The following ARID1B variants were observed in gnomAD, a reference collection of about 807,000 sequenced individuals.
ARID1B encodes AT-rich interactive domain-containing protein 1B.
ARID1B carries 30 observed loss-of-function variants against 212.3 expected under a neutral mutation model. That is an observed-to-expected ratio of 0.14 (90% CI 0.11 to 0.19). The LOEUF (loss-of-function observed/expected upper bound fraction) is 0.19, where lower values mean the gene tolerates loss of function less well. ARID1B is among the 10% of genes least tolerant of loss of function. ARID1B has a pLI of 1.00. For missense variants in ARID1B, 2,891 were observed against 3,204.0 expected, an observed-to-expected ratio of 0.90 and a Z score of 2.36; for synonymous variants, 1,402 against 1,301.7, an observed-to-expected ratio of 1.08 and a Z score of -1.66.
intron 6 of ARID1B, 31 bp downstream of exon 6, chr6:157,110,592 A>G (rs369175987): frequency 8.0e-5 from 129 of 1,603,118 alleles, no homozygotes; most frequent in Non-Finnish European, 1.0e-4. Context: ...TTACATGCCT[A>G]TAGTGCTTTC....
At chr6:156,780,097 TAAC>T (rs1419572058) in intron 1 of ARID1B, among the ~76,000 whole-genome samples, 8 of 152,104 alleles carry the variant, frequency 5.3e-5, no homozygotes, top group Admixed American at 5.2e-4. Flanking sequence ...GTAGGAATAA[TAAC>T]AAAATTTACA....
rs548658396 is a variant in ARID1B at position 157,015,250 on chromosome 6, G to A, written c.2248-69412G>A. On this transcript the variant is annotated intron_variant, in intron 4 of 19. Coordinates refer to ENST00000636930, the MANE Select transcript of ARID1B (RefSeq NM_001374828.1). Reference sequence around the variant, plus strand: ...ATACAAGGAGAAATGGATAAGTCCCGGAGTTTTGAGCTTGGGCAGATTGGG... The same window carrying A: ...ATACAAGGAGAAATGGATAAGTCCCAGAGTTTTGAGCTTGGGCAGATTGGG... Among the ~76,000 whole-genome samples the A allele has an allele frequency of 1.9e-4, 29 of 152,294 alleles. No homozygotes were observed. The East Asian group carries it at 1.9e-3, about 10-fold the overall frequency.
At chr6:156,925,809 ATAATGAACAGT>A (rs1791169644) in intron 3 of ARID1B, among the ~76,000 whole-genome samples, 1 of 152,176 alleles carries the variant, frequency 6.6e-6, no homozygotes, top group South Asian at 2.1e-4. Flanking sequence ...TTCTGAACAG[ATAATGAACAGT>A]ACTCATCATG....
chr6:156,939,476 G>A (rs2128282864), intron 4 of ARID1B: 1 of 152,150 alleles, frequency 6.6e-6, no homozygotes, highest in Non-Finnish European at 1.5e-5. Context: ...TTCACTAGAA[G>A]CTTTTCATGG....
At chr6:157,114,005 A>G (rs1399516740) in intron 6 of ARID1B, among the ~76,000 whole-genome samples, 3 of 152,230 alleles carry the variant, frequency 2.0e-5, no homozygotes, top group Non-Finnish European at 4.4e-5. Context: ...TAATAGAAAC[A>G]TCTGTTTGTT....
intron 7 of ARID1B, among the ~76,000 whole-genome samples, chr6:157,138,212 G>C (rs1789072301): frequency 6.6e-6 from 1 of 151,362 alleles, no homozygotes; most frequent in African/African-American, 2.4e-5. Flanking sequence ...TGGTTGGTTG[G>C]TTGGTTGGTT....
intron 4 of ARID1B, among the ~76,000 whole-genome samples, chr6:157,015,881 C>CA: frequency 6.6e-6 from 1 of 152,252 alleles, no homozygotes; most frequent in Non-Finnish European, 1.5e-5. Context: ...GAAAGAAACA[C>CA]AAAGCTGTGA....
At chr6:157,198,510 G>T in intron 16 of ARID1B, 1 of 342,824 alleles carries the variant, frequency 2.9e-6, no homozygotes, top group Non-Finnish European at 5.4e-6. Flanking sequence ...CCTCCAAGCA[G>T]AGGCCAGAGG....
chr6:157,144,024 A>G (rs1789551695), intron 7 of ARID1B, among the ~76,000 whole-genome samples: 1 of 152,248 alleles, frequency 6.6e-6, no homozygotes, highest in Admixed American at 6.5e-5. Flanking sequence ...CCCAGGTTGC[A>G]GATGCTTCCT....
intron 4 of ARID1B, chr6:156,976,738 C>T (rs1777274682): frequency 2.1e-6 from 1 of 480,374 alleles, no homozygotes; most frequent in African/African-American, 2.0e-5. Context: ...GTAACACTCA[C>T]CGTGAAGGTC....
chr6:157,146,935 G>T (rs1229001609), intron 7 of ARID1B, among the ~76,000 whole-genome samples: 1 of 152,138 alleles, frequency 6.6e-6, no homozygotes, highest in East Asian at 1.9e-4. Flanking sequence ...GAGCCAGTTT[G>T]CTTGAGCTTC....
intron 4 of ARID1B, among the ~76,000 whole-genome samples, chr6:156,986,905 G>A (rs1352739714): frequency 6.6e-6 from 1 of 152,186 alleles, no homozygotes; most frequent in Non-Finnish European, 1.5e-5. Flanking sequence ...TAGGCCGGGT[G>A]CGGTGGCTCA....
intron 6 of ARID1B, chr6:157,111,259 G>GC (rs2128520030): frequency 6.6e-6 from 1 of 152,462 alleles, no homozygotes; most frequent in Admixed American, 6.5e-5. Flanking sequence ...TAACTGCCTT[G>GC]CAGAGACCTT....
chr6:156,829,084 G>T, intron 1 of ARID1B, 143 bp from the exon 2 acceptor site: 1 of 648,686 alleles, frequency 1.5e-6, no homozygotes, highest in East Asian at 2.8e-5. Context: ...ATGTCTTGCT[G>T]GATGTTTTGT....
rs368322992 is a variant in ARID1B at position 157,181,189 on chromosome 6, G to A, written c.3714+11G>A. ...GGGGGTTTGGCCCAGGTAAGAATGA[G>A]TGAGGGAGGGGGTGAAAAAGGAAGC... On this transcript the variant is annotated intron_variant, in intron 12 of 19. Coordinates refer to ENST00000636930, the MANE Select transcript of ARID1B (RefSeq NM_001374828.1). 3,893 of 1,612,896 alleles carry A rather than the reference G, an allele frequency of 2.4e-3. 7 individuals carry two copies. Among genetic ancestry groups the A allele is most frequent in the Non-Finnish European group, 3.0e-3 (3,528 of 1,178,908 alleles).
intron 3 of ARID1B, among the ~76,000 whole-genome samples, chr6:156,922,416 GC>G (rs1790886179): frequency 6.6e-6 from 1 of 151,962 alleles, no homozygotes; most frequent in Non-Finnish European, 1.5e-5. Flanking sequence ...TAAGTGATCC[GC>G]CCGCCTCGGC....
At chr6:157,063,739 T>C (rs1385656398) in intron 4 of ARID1B, among the ~76,000 whole-genome samples, 2 of 152,250 alleles carry the variant, frequency 1.3e-5, no homozygotes, top group Non-Finnish European at 2.9e-5. Context: ...CTAGTCCTTG[T>C]ACAATATGCA....
chr6:157,120,331 G>C (rs1787622519), intron 6 of ARID1B, among the ~76,000 whole-genome samples: 1 of 152,176 alleles, frequency 6.6e-6, no homozygotes, highest in African/African-American at 2.4e-5. Context: ...GGAGTTTGTG[G>C]GGTGGATGGG....
chr6:157,148,648 A>G lies in ARID1B; in HGVS notation c.2786A>G (p.Tyr929Cys). 1.3e-6 allele frequency: 2 copies of G among 1,599,706 alleles called. No homozygotes were observed. Among genetic ancestry groups the G allele is most frequent in the South Asian group, 1.1e-5 (1 of 90,876 alleles). Residue 929 changes from tyrosine (Y) to cysteine (C), a missense_variant, in exon 8 of 20, where the codon TAT becomes TGT. Tyr to Cys is a radical substitution (Grantham distance 194, BLOSUM62 -2). Coordinates refer to ENST00000636930, the MANE Select transcript of ARID1B (RefSeq NM_001374828.1). This position sits in a 1 kb window ranked among gnomAD's most constrained non-coding sequence, Gnocchi z 5.6. Reference sequence around the variant, plus strand: ...GGTAACTACTCCAGACCCCCAGCGTATAGTGGGGTGCCCAGTGCAAGCTAC... The same window carrying G: ...GGTAACTACTCCAGACCCCCAGCGTGTAGTGGGGTGCCCAGTGCAAGCTAC... ...PQGNYSRPPA[Y>C]SGVPSASYSG...
Sources: gnomAD v4.1 joint callset for allele counts (sites outside exome capture counted in the v4.1 genomes callset) on GRCh38, gnomAD v4.1.1 for gene constraint, Gnocchi (gnomAD v3.1) non-coding constraint, MANE v1.5 for transcripts, NCBI Gene and HGNC (gene_info 2026-07-23, HGNC 2026-07-21) for gene names.